The following CARMIL1 variants were observed in gnomAD, a reference collection of about 807,000 sequenced individuals.
The protein encoded by CARMIL1 is capping protein regulator and myosin 1 linker 1.
In CARMIL1, 90 loss-of-function variants were observed where a neutral mutation model predicts 177.1. That is an observed-to-expected ratio of 0.51 (90% CI 0.43 to 0.61). The LOEUF (loss-of-function observed/expected upper bound fraction) is 0.61. CARMIL1 is among the 20% of genes least tolerant of loss of function. The probability of loss-of-function intolerance (pLI) is 0.00; values close to 1 mark genes in which losing one functional copy is unlikely to be tolerated. For synonymous variants in CARMIL1, 577 were observed against 606.2 expected (o/e 0.95, Z 0.71); for missense variants, 1,380 against 1,667.0 (o/e 0.83, Z 3.00).
Position 25,556,840 on chromosome 6 carries a change from A to T in CARMIL1, c.2732A>T (p.Asp911Val). 1 of 1,612,878 alleles carries T rather than the reference A, an allele frequency of 6.2e-7. No individual in the cohort carries two copies. Among genetic ancestry groups the T allele is most frequent in the Non-Finnish European group, 8.5e-7 (1 of 1,179,336 alleles). ...LTEIERLEDL[D>V]TCMMTPKSKR... ...GAGATAGAGCGTTTGGAAGATCTGG[A>T]TACCTGTATGGTAAGACACATCCTC... Residue 911 changes from aspartate (D) to valine (V), a missense_variant, in exon 29 of 37, where the codon GAT becomes GTT. Coordinates refer to ENST00000329474, the MANE Select transcript of CARMIL1 (RefSeq NM_017640.6).
intron 2 of CARMIL1, among the ~76,000 whole-genome samples, chr6:25,338,046 C>T (rs1168633363): frequency 1.3e-5 from 2 of 152,092 alleles, no homozygotes; most frequent in East Asian, 1.9e-4. Flanking sequence ...CACCTGAGGT[C>T]GGGGGTTCAA....
chr6:25,376,524 G>T (rs1224813530), intron 2 of CARMIL1, among the ~76,000 whole-genome samples: 1 of 152,132 alleles, frequency 6.6e-6, no homozygotes, highest in Non-Finnish European at 1.5e-5. Flanking sequence ...AGCTCTTGGT[G>T]CTTTCAGGGA....
chr6:25,445,536 C>CTT (rs1191252796), intron 5 of CARMIL1, among the ~76,000 whole-genome samples: 42 of 136,614 alleles, frequency 3.1e-4, no homozygotes, highest in East Asian at 1.5e-3. Context: ...AAATATATTT[C>CTT]TTTTTTTTTT....
At chr6:25,452,482 TC>T in intron 8 of CARMIL1, 1 of 372,006 alleles carries the variant, frequency 2.7e-6, no homozygotes, top group Non-Finnish European at 4.8e-6. Flanking sequence ...AAATGATCGA[TC>T]TTTGGTTTTT....
chr6:25,541,951 T>TC (rs1224010092), intron 26 of CARMIL1, among the ~76,000 whole-genome samples: 1 of 152,180 alleles, frequency 6.6e-6, no homozygotes, highest in African/African-American at 2.4e-5. Flanking sequence ...GAGCCACTGC[T>TC]CCCGGCCTCA....
chr6:25,391,253 A>AT, intron 2 of CARMIL1, among the ~76,000 whole-genome samples: 1 of 152,314 alleles, frequency 6.6e-6, no homozygotes, highest in East Asian at 1.9e-4. Flanking sequence ...GGTGGGGGTC[A>AT]TTTCCATAGG....
At chr6:25,358,025 G>A (rs1463544552) in intron 2 of CARMIL1, among the ~76,000 whole-genome samples, 1 of 152,170 alleles carries the variant, frequency 6.6e-6, no homozygotes, top group Non-Finnish European at 1.5e-5. Context: ...TACTGGTTTT[G>A]TCCGTATAAG....
chr6:25,571,595 CTTT>C (rs1812073252), intron 29 of CARMIL1, among the ~76,000 whole-genome samples: 1 of 152,170 alleles, frequency 6.6e-6, no homozygotes, highest in Non-Finnish European at 1.5e-5. Flanking sequence ...ACAATTAGTA[CTTT>C]ACAATTAGTA....
intron 2 of CARMIL1, among the ~76,000 whole-genome samples, chr6:25,333,047 C>G (rs1250173390): frequency 1.3e-5 from 2 of 152,046 alleles, no homozygotes; most frequent in African/African-American, 4.8e-5. Flanking sequence ...AGATGTGATT[C>G]CTGCTACGTG....
rs572194511 is a variant in CARMIL1 at position 25,352,415 on chromosome 6, A to G, written c.138+67506A>G. On this transcript the variant is annotated intron_variant, in intron 2 of 36. Coordinates refer to ENST00000329474, the MANE Select transcript of CARMIL1 (RefSeq NM_017640.6). ...ACTTATTAAACTTAATATATGACTA[A>G]TGTATATAACTCAGGGGAACGTCTG... 4.6e-5 allele frequency among the ~76,000 whole-genome samples: 7 copies of G among 152,044 alleles called. No homozygotes were observed. In the East Asian group the frequency reaches 1.4e-3, roughly 29 times the overall value.
chr6:25,330,711 T>G (rs1306733633), intron 2 of CARMIL1, among the ~76,000 whole-genome samples: 1 of 148,962 alleles, frequency 6.7e-6, no homozygotes, highest in Middle Eastern at 3.5e-3. Flanking sequence ...AAAAGACAGA[T>G]GAGGATGGGA....
intron 29 of CARMIL1, among the ~76,000 whole-genome samples, chr6:25,568,128 A>G (rs1311584859): frequency 3.3e-5 from 5 of 152,198 alleles, no homozygotes; most frequent in Admixed American, 3.3e-4. Context: ...GAAAAATAAC[A>G]CTTGGAAACT....
Position 25,451,995 on chromosome 6 carries a change from T to TCTC in CARMIL1, c.614+1285_614+1286insTCC. ...TCATCACTAGCATCTTGCCCCCCCC[T>TCTC]CCCCCCCCCAGAATACTGTTTTGAA... On this transcript the variant is annotated intron_variant, in intron 8 of 36. Transcript: ENST00000329474. The TCTC allele has an allele frequency of 1.4e-5, 2 of 140,486 alleles. 1 individual carries two copies. Among genetic ancestry groups the TCTC allele is most frequent in the Admixed American group, 1.8e-4 (2 of 11,278 alleles). 8.7% of individuals were successfully genotyped at this position (140,486 alleles called of 1,614,324 possible).
intron 16 of CARMIL1, among the ~76,000 whole-genome samples, chr6:25,496,440 T>G (rs1367247783): frequency 7.3e-6 from 1 of 136,948 alleles, no homozygotes; most frequent in Admixed American, 8.3e-5. Flanking sequence ...ATTGCACCAC[T>G]GCCAGCCTGG....
chr6:25,464,073 C>T (rs978120132), intron 8 of CARMIL1, among the ~76,000 whole-genome samples: 38 of 152,196 alleles, frequency 2.5e-4, no homozygotes, highest in South Asian at 6.2e-4. Flanking sequence ...CCGCCCGTCT[C>T]GGCCTCCCAA....
chr6:25,457,455 C>T (rs183792315), intron 8 of CARMIL1, among the ~76,000 whole-genome samples: 6 of 152,070 alleles, frequency 3.9e-5, no homozygotes, highest in Admixed American at 1.3e-4. Flanking sequence ...TGAGTGGTTC[C>T]GCTAATAATT....
At chr6:25,606,526 T>C (rs1815992696) in intron 35 of CARMIL1, among the ~76,000 whole-genome samples, 1 of 152,080 alleles carries the variant, frequency 6.6e-6, no homozygotes, top group South Asian at 2.1e-4. Flanking sequence ...GGGGTACAGG[T>C]TAGTTTGTAG....
At chr6:25,454,995 A>AT (rs1799358491) in intron 8 of CARMIL1, among the ~76,000 whole-genome samples, 2 of 152,300 alleles carry the variant, frequency 1.3e-5, no homozygotes, top group South Asian at 4.1e-4. Flanking sequence ...CAAATGGGCT[A>AT]TGTGTTGAGC....
chr6:25,485,159 G>A (rs1025424321), intron 12 of CARMIL1, among the ~76,000 whole-genome samples: 1 of 151,860 alleles, frequency 6.6e-6, no homozygotes, highest in Admixed American at 6.6e-5. Context: ...CCTTTCAAGG[G>A]CAAGTTTGGT....
Sources: gnomAD v4.1 joint callset for allele counts (sites outside exome capture counted in the v4.1 genomes callset) on GRCh38, gnomAD v4.1.1 for gene constraint, MANE v1.5 for transcripts, NCBI Gene and HGNC (gene_info 2026-07-23, HGNC 2026-07-21) for gene names.